TRIM37: variants seen among roughly 807,000 people sequenced by gnomAD.
The protein encoded by TRIM37 is E3 ubiquitin-protein ligase TRIM37.
Under a neutral mutation model 129.8 loss-of-function variants are expected in TRIM37, and 80 were observed. The ratio of observed to expected loss-of-function variants is 0.62; its 90% CI spans 0.51 to 0.74. The LOEUF (loss-of-function observed/expected upper bound fraction) is 0.74. Ranked by LOEUF, TRIM37 falls within the 30% of genes least tolerant of loss-of-function variation. TRIM37 has a pLI of 0.00. For synonymous variants in TRIM37, 389 were observed against 387.1 expected (o/e 1.00, Z -0.06); for missense variants, 1,054 against 1,176.5 (o/e 0.90, Z 1.52).
intron 4 of TRIM37, chr17:59,087,998 G>C: frequency 1.8e-6 from 1 of 562,830 alleles, no homozygotes; most frequent in Non-Finnish European, 3.2e-6. Context: ...ACAGTTAACA[G>C]AAATCATGTC....
chr17:58,970,328 C>T, the TRIM37 span, among the ~76,000 whole-genome samples: 3 of 151,966 alleles, frequency 2.0e-5, no homozygotes, highest in Non-Finnish European at 2.9e-5. Flanking sequence ...GGCAAGGGCT[C>T]TATATTAAGG....
the TRIM37 span, chr17:58,972,409 GGT>G: frequency 1.0e-6 from 1 of 983,436 alleles, no homozygotes; most frequent in East Asian, 2.7e-5. Context: ...GGAGTGCAAT[GGT>G]GTGATCTTGG....
intron 24 of TRIM37, among the ~76,000 whole-genome samples, chr17:58,989,159 G>A (rs1258537542): frequency 6.6e-6 from 1 of 152,180 alleles, no homozygotes; most frequent in Non-Finnish European, 1.5e-5. Context: ...CAGAGATTTT[G>A]GAAATGAGAG....
At position 58,998,869 on chromosome 17, in the gene TRIM37, CAT is replaced by C. The variant is rs373015883; in HGVS notation, c.*506_*507del. On this transcript the variant is annotated 3_prime_UTR_variant, in exon 24 of 24. Transcript: ENST00000262294. ...AGTCTAGTGTTACTTCAGTTATTCACATAGTGTCTACAGGGCAGAATCTCTTC... is the reference window on the plus strand; with the variant it reads ...AGTCTAGTGTTACTTCAGTTATTCACAGTGTCTACAGGGCAGAATCTCTTC... 2.0e-6 allele frequency: 2 copies of C among 997,192 alleles called. No homozygotes were observed. The highest frequency in any genetic ancestry group is 8.7e-5 in the South Asian group (2 of 22,992). The allele number at this position is 997,192 out of a possible 1,614,324, so 61.8% of individuals were successfully genotyped here.
intron 12 of TRIM37, among the ~76,000 whole-genome samples, chr17:59,060,443 T>TA (rs896085922): frequency 1.8e-4 from 26 of 147,844 alleles, no homozygotes; most frequent in East Asian, 1.6e-3. Flanking sequence ...GTAACAGAGT[T>TA]AAAAAAAAAA....
At chr17:58,984,790 C>T (rs982694187) in intron 24 of TRIM37, 1 of 152,384 alleles carries the variant, frequency 6.6e-6, no homozygotes, top group African/African-American at 2.4e-5. Context: ...ATTTTGAAGA[C>T]TATTTATTGT....
intron 19 of TRIM37, among the ~76,000 whole-genome samples, chr17:59,022,581 A>C (rs895206325): frequency 1.3e-5 from 2 of 152,224 alleles, no homozygotes; most frequent in Non-Finnish European, 2.9e-5. Flanking sequence ...TCATCTGTAA[A>C]TCTGGAATGA....
chr17:59,081,267 C>T, intron 5 of TRIM37, 48 bp from the exon 6 acceptor site: 5 of 1,597,058 alleles, frequency 3.1e-6, no homozygotes, highest in Non-Finnish European at 4.3e-6. Context: ...ATCTCATCTG[C>T]ATTTACATTC....
intron 2 of TRIM37, among the ~76,000 whole-genome samples, chr17:59,102,719 G>A (rs554126311): frequency 5.2e-4 from 79 of 152,280 alleles, no homozygotes; most frequent in African/African-American, 1.8e-3. Flanking sequence ...ATGGTACAGT[G>A]ACAAAGAACA....
chr17:59,098,221 G>A (rs964224264), intron 2 of TRIM37, among the ~76,000 whole-genome samples: 2 of 152,178 alleles, frequency 1.3e-5, no homozygotes, highest in Non-Finnish European at 2.9e-5. Context: ...AGGGGCTAGG[G>A]GGAAGAGAAT....
At chr17:59,014,419 T>C (rs1413938686) in intron 21 of TRIM37, among the ~76,000 whole-genome samples, 1 of 152,136 alleles carries the variant, frequency 6.6e-6, no homozygotes, top group Non-Finnish European at 1.5e-5. Flanking sequence ...CCATAGCCAA[T>C]ATCCATAATC....
chr17:59,057,544 G>C (rs1229350609), intron 12 of TRIM37, among the ~76,000 whole-genome samples: 1 of 151,940 alleles, frequency 6.6e-6, no homozygotes, highest in South Asian at 2.1e-4. Context: ...GCTTTTTTGA[G>C]ATAGAGTCTC....
intron 19 of TRIM37, among the ~76,000 whole-genome samples, chr17:59,020,298 G>A (rs1206799543): frequency 1.5e-5 from 2 of 136,320 alleles, no homozygotes; most frequent in African/African-American, 2.7e-5. Context: ...TAATGAAATG[G>A]TAAAAGACAA....
chr17:58,985,314 A>C lies in TRIM37; in HGVS notation c.2892-2393T>G, dbSNP rs1035588450. 2.0e-5 allele frequency: 3 copies of C among 152,488 alleles called. No homozygotes were observed. In the East Asian group the frequency reaches 5.8e-4, roughly 29 times the overall value. The allele number at this position is 152,488 out of a possible 1,614,324, so 9.4% of individuals were successfully genotyped here. On this transcript the variant is annotated intron_variant, in intron 24 of 24. Coordinates refer to the TRIM37 transcript ENST00000393066. ...GAAGCTTGGAACATTTAAAAAGAAG[A>C]TTTGCTAAATGCTGCTGTAACATTA...
Position 59,106,704 on chromosome 17 carries a change from A to G in TRIM37, c.-243T>C, listed in dbSNP as rs1277834848. On this transcript the variant is annotated 5_prime_UTR_variant, in exon 1 of 24. Coordinates refer to ENST00000262294, the MANE Select transcript of TRIM37 (RefSeq NM_015294.6). The stretch of plus-strand genomic sequence containing the variant: ...CAGAAGTAGGGCGAACGGTGGCCGC[A>G]GCTCCTTTCTCCCGGCTCAGCCGCC... 5.1e-6 allele frequency: 3 copies of G among 589,390 alleles called. No individual in the cohort carries two copies. The highest frequency in any genetic ancestry group is 2.0e-5 in the South Asian group (1 of 49,378). 36.5% of individuals were successfully genotyped at this position (589,390 alleles called of 1,614,324 possible).
chr17:59,100,979 G>A (rs1051138970), intron 2 of TRIM37, among the ~76,000 whole-genome samples: 3 of 147,482 alleles, frequency 2.0e-5, no homozygotes, highest in Non-Finnish European at 4.4e-5. Flanking sequence ...CGGAGATCGC[G>A]TCATTGCACT....
At chr17:59,046,763 A>G (rs934489452) in intron 16 of TRIM37, among the ~76,000 whole-genome samples, 1 of 148,042 alleles carries the variant, frequency 6.8e-6, no homozygotes, top group Non-Finnish European at 1.5e-5. Context: ...GATGGTCTGG[A>G]TCTCCTGACC....
chr17:59,037,231 C>T (rs1448416861), intron 17 of TRIM37, among the ~76,000 whole-genome samples: 1 of 152,044 alleles, frequency 6.6e-6, no homozygotes, highest in Non-Finnish European at 1.5e-5. Flanking sequence ...CCCAGTGTCA[C>T]CCCGATCTAG....
At position 59,062,098 on chromosome 17, in the gene TRIM37, G is replaced by A. The variant is rs188242209; in HGVS notation, c.942+469C>T. On this transcript the variant is annotated intron_variant, in intron 11 of 23. Coordinates refer to ENST00000262294, the MANE Select transcript of TRIM37 (RefSeq NM_015294.6). ...ATGTGTAACTGAGAATACTAACCCAGGAGGGCTAAAATGTGTAATAGTAAA... is the reference window on the plus strand; with the variant it reads ...ATGTGTAACTGAGAATACTAACCCAAGAGGGCTAAAATGTGTAATAGTAAA... Among the ~76,000 whole-genome samples the A allele has an allele frequency of 2.8e-4, 43 of 151,584 alleles. No individual in the cohort carries two copies. The East Asian group carries it at 7.9e-3, about 28-fold the overall frequency.
Sources: gnomAD v4.1 joint callset for allele counts (sites outside exome capture counted in the v4.1 genomes callset) on GRCh38, gnomAD v4.1.1 for gene constraint, MANE v1.5 for transcripts, NCBI Gene and HGNC (gene_info 2026-07-23, HGNC 2026-07-21) for gene names.